AFF3: variants seen among roughly 807,000 people sequenced by gnomAD.
AFF3 encodes AF4/FMR2 family member 3.
Under a neutral mutation model 129.7 loss-of-function variants are expected in AFF3, and 32 were observed. The observed-to-expected ratio is 0.25, with a 90% CI of 0.19 to 0.33. The LOEUF (loss-of-function observed/expected upper bound fraction) is 0.33. AFF3 is among the 10% of genes least tolerant of loss of function. AFF3 has a pLI of 1.00. For missense variants in AFF3, 1,373 were observed against 1,592.0 expected (o/e 0.86, Z 2.34); for synonymous variants, 644 against 635.4 (o/e 1.01, Z -0.20).
chr2:99,984,177 A>T (rs1361232593), intron 7 of AFF3, among the ~76,000 whole-genome samples: 1 of 152,216 alleles, frequency 6.6e-6, no homozygotes, highest in Non-Finnish European at 1.5e-5. Context: ...TCAAGTGTTA[A>T]GGCAATTGTG....
At chr2:100,034,385 A>G (rs2104986168) in intron 4 of AFF3, among the ~76,000 whole-genome samples, 1 of 152,306 alleles carries the variant, frequency 6.6e-6, no homozygotes, top group South Asian at 2.1e-4. Flanking sequence ...TAGAAATTAA[A>G]CCTAAAGGAT....
chr2:99,716,071 T>C (rs957800949), intron 11 of AFF3, among the ~76,000 whole-genome samples: 2 of 152,202 alleles, frequency 1.3e-5, no homozygotes, highest in Non-Finnish European at 2.9e-5. Context: ...TCTACAAGCC[T>C]GTGTAATTGA....
intron 13 of AFF3, among the ~76,000 whole-genome samples, chr2:99,608,436 T>C (rs1330360529): frequency 6.6e-6 from 1 of 152,170 alleles, no homozygotes; most frequent in Non-Finnish European, 1.5e-5. Flanking sequence ...ATGCAATGTA[T>C]TTTTTTCTGT....
chr2:100,126,639 A>G (rs1692204275), intron 2 of AFF3, among the ~76,000 whole-genome samples: 1 of 152,180 alleles, frequency 6.6e-6, no homozygotes, highest in Non-Finnish European at 1.5e-5. Flanking sequence ...TGGCTCACTA[A>G]TCTTTAATAC....
chr2:99,982,921 T>A (rs1049823298), intron 7 of AFF3, among the ~76,000 whole-genome samples: 8 of 152,206 alleles, frequency 5.3e-5, no homozygotes, highest in African/African-American at 1.4e-4. Flanking sequence ...ATGACCCAGG[T>A]AATTGCCATA....
At chr2:99,987,876 A>T (rs1680003183) in intron 7 of AFF3, among the ~76,000 whole-genome samples, 1 of 152,262 alleles carries the variant, frequency 6.6e-6, no homozygotes. Context: ...CTTATAAAAC[A>T]CTATGAACCT....
intron 7 of AFF3, among the ~76,000 whole-genome samples, chr2:99,888,397 G>T (rs535440467): frequency 6.6e-6 from 1 of 152,136 alleles, no homozygotes; most frequent in Non-Finnish European, 1.5e-5. Context: ...ATAGCATTTC[G>T]TTTTCTGCAC....
chr2:99,804,408 T>A (rs1320686173), intron 8 of AFF3, among the ~76,000 whole-genome samples: 1 of 152,170 alleles, frequency 6.6e-6, no homozygotes, highest in African/African-American at 2.4e-5. Flanking sequence ...ACAGCCAGAA[T>A]GGCAGTTATT....
chr2:99,724,779 G>A (rs1233293173), intron 11 of AFF3, among the ~76,000 whole-genome samples: 2 of 152,258 alleles, frequency 1.3e-5, no homozygotes, highest in South Asian at 2.1e-4. Context: ...GAGGTCTCTT[G>A]AGCGGTTTCA....
At chr2:99,650,721 T>C (rs1685156361) in intron 12 of AFF3, among the ~76,000 whole-genome samples, 1 of 152,068 alleles carries the variant, frequency 6.6e-6, no homozygotes, top group Non-Finnish European at 1.5e-5. Flanking sequence ...TTTCCCTACA[T>C]GAAATGAACA....
chr2:99,875,640 G>A (rs1032549326), intron 7 of AFF3, among the ~76,000 whole-genome samples: 2 of 152,138 alleles, frequency 1.3e-5, no homozygotes, highest in East Asian at 1.9e-4. Context: ...CAGGGGTACC[G>A]GGCATGGCAA....
chr2:100,056,819 A>T (rs1686825855), intron 4 of AFF3, among the ~76,000 whole-genome samples: 1 of 152,120 alleles, frequency 6.6e-6, no homozygotes, highest in Non-Finnish European at 1.5e-5. Flanking sequence ...AGGCAACCAC[A>T]CTTTCTGGTT....
chr2:99,938,074 C>T (rs1674692928), intron 7 of AFF3, among the ~76,000 whole-genome samples: 1 of 152,168 alleles, frequency 6.6e-6, no homozygotes, highest in Non-Finnish European at 1.5e-5. Context: ...AGCTTTCCAT[C>T]AGTTAAAATA....
intron 7 of AFF3, among the ~76,000 whole-genome samples, chr2:99,898,401 T>C (rs1296882297): frequency 6.6e-6 from 1 of 152,098 alleles, no homozygotes; most frequent in East Asian, 1.9e-4. Flanking sequence ...CACGATGCCA[T>C]CTCGCAGCCA....
chr2:99,990,939 G>A (rs999539291), intron 7 of AFF3, among the ~76,000 whole-genome samples: 1 of 152,124 alleles, frequency 6.6e-6, no homozygotes, highest in African/African-American at 2.4e-5. Context: ...GGAGACCACA[G>A]TTTAGATGCT....
intron 13 of AFF3, among the ~76,000 whole-genome samples, chr2:99,634,666 A>T (rs919270218): frequency 6.6e-6 from 1 of 152,210 alleles, no homozygotes; most frequent in African/African-American, 2.4e-5. Flanking sequence ...AATATGTCTT[A>T]GGAAATAACG....
chr2:99,891,568 T>C (rs1267512607), intron 7 of AFF3, among the ~76,000 whole-genome samples: 1 of 152,108 alleles, frequency 6.6e-6, no homozygotes, highest in Admixed American at 6.6e-5. Flanking sequence ...CTGCTGCAGG[T>C]GCGGGCAGGC....
At chr2:100,117,236 T>C (rs1439065805) in intron 2 of AFF3, among the ~76,000 whole-genome samples, 3 of 152,198 alleles carry the variant, frequency 2.0e-5, no homozygotes, top group Non-Finnish European at 2.9e-5. Flanking sequence ...ATTGATTCTC[T>C]TTCCTCTTCT....
intron 4 of AFF3, among the ~76,000 whole-genome samples, chr2:100,043,495 T>G (rs1685599337): frequency 6.6e-6 from 1 of 152,110 alleles, no homozygotes; most frequent in Admixed American, 6.5e-5. Context: ...ATTCCATACA[T>G]GGGGAGACTG....
Sources: gnomAD v4.1 joint callset for allele counts (sites outside exome capture counted in the v4.1 genomes callset) on GRCh38, gnomAD v4.1.1 for gene constraint, MANE v1.5 for transcripts, NCBI Gene and HGNC (gene_info 2026-07-23, HGNC 2026-07-21) for gene names.